The following PVR variants were observed in gnomAD, a reference collection of about 807,000 sequenced individuals.
PVR encodes the protein poliovirus receptor.
PVR carries 39 observed loss-of-function variants against 43.3 expected under a neutral mutation model. The observed-to-expected ratio is 0.90, with a 90% CI of 0.70 to 1.18. PVR has a LOEUF of 1.18. Ranked by LOEUF, PVR falls within the 50% of genes most tolerant of loss-of-function variation. The pLI is 0.00. For synonymous variants in PVR, 224 were observed against 233.2 expected (o/e 0.96, Z 0.36); for missense variants, 480 against 549.7 (o/e 0.87, Z 1.27).
chr19:44,658,269 A>G (rs1973506260), intron 5 of PVR, among the ~76,000 whole-genome samples: 1 of 152,252 alleles, frequency 6.6e-6, no homozygotes, highest in Admixed American at 6.5e-5. Flanking sequence ...ATTCACCTTC[A>G]GGTATGGTTA....
chr19:44,647,552 A>G lies in PVR; in HGVS notation c.409A>G (p.Ile137Val). Residue 137 changes from isoleucine to valine, a missense_variant, in exon 2 of 8, where the codon ATC becomes GTC. Ile to Val is a conservative substitution (Grantham distance 29, BLOSUM62 3). Transcript: ENST00000425690. Reference protein sequence around the residue: ...TFPQGSRSVDIWLRVLAKPQN... With the variant: ...TFPQGSRSVDVWLRVLAKPQN... ...CCCGCAGGGCAGCAGGAGCGTGGAT[A>G]TCTGGCTCCGAGTGCTTGGTGAGCA... 1 of 1,612,356 alleles carries G rather than the reference A, an allele frequency of 6.2e-7. No homozygotes were observed.
chr19:44,644,103 C>A lies in PVR; in HGVS notation c.7C>A (p.Arg3=). 1 of 1,516,716 alleles carries A rather than the reference C, an allele frequency of 6.6e-7. No individual in the cohort carries two copies. Among genetic ancestry groups the A allele is most frequent in the African/African-American group, 1.4e-5 (1 of 70,090 alleles). 94.0% of individuals were successfully genotyped at this position (1,516,716 alleles called of 1,614,324 possible). A position where few individuals can be genotyped will look rare whatever the true frequency, so the allele number is the denominator to read the frequency against. MA[R]AMAAAWPLLL... ...GCTGCTCGGAGCAACTGGCATGGCC[C>A]GAGCCATGGCCGCCGCGTGGCCGCT... Residue 3 remains arginine, a synonymous_variant, in exon 1 of 8, where the codon CGA becomes AGA. Coordinates refer to ENST00000425690, the MANE Select transcript of PVR (RefSeq NM_006505.5).
intron 3 of PVR, among the ~76,000 whole-genome samples, chr19:44,653,108 G>T (rs187599272): frequency 1.3e-5 from 2 of 151,984 alleles, no homozygotes; most frequent in African/African-American, 2.4e-5. Flanking sequence ...TCTTAATTTC[G>T]TCAGCTCCCG....
chr19:44,662,026 T>C lies in PVR; in HGVS notation c.*215T>C. 1.7e-6 allele frequency: 1 copy of C among 580,452 alleles called. No individual in the cohort carries two copies. The highest frequency in any genetic ancestry group is 3.1e-6 in the Non-Finnish European group (1 of 324,368). The allele number at this position is 580,452 out of a possible 1,614,324, so 36.0% of individuals were successfully genotyped here. On this transcript the variant is annotated 3_prime_UTR_variant, in exon 8 of 8. Coordinates refer to ENST00000425690, the MANE Select transcript of PVR (RefSeq NM_006505.5). ...AAGGACTCACTAGACTCAGGAAAGC[T>C]GTTAGGCTCACAGTTACAGTTTATT...
chr19:44,654,194 C>A (rs527879425), intron 4 of PVR, among the ~76,000 whole-genome samples, 177 bp downstream of exon 4: 1 of 141,046 alleles, frequency 7.1e-6, no homozygotes, highest in South Asian at 2.4e-4. Flanking sequence ...GGAAGAGGGG[C>A]TGGGGGTCTG....
At position 44,644,719 on chromosome 19, in the gene PVR, C is replaced by CT. The variant is rs11362724; in HGVS notation, c.79+560dup. ...CTGGCCATTCATTCATTCTTTCATT[C>CT]TTTTTTTTTTTTTTTTGAGACAGTC... On this transcript the variant is annotated intron_variant, in intron 1 of 7. Coordinates refer to ENST00000425690, the MANE Select transcript of PVR (RefSeq NM_006505.5). Among the ~76,000 whole-genome samples the CT allele has an allele frequency of 5.1e-3, 697 of 135,922 alleles. 4 individuals are homozygous for CT. The highest frequency in any genetic ancestry group is 0.015 in the Middle Eastern group (4 of 268). 89.2% of individuals were successfully genotyped at this position (135,922 alleles called of 152,430 possible). A position where few individuals can be genotyped will look rare whatever the true frequency, so the allele number is the denominator to read the frequency against.
At chr19:44,660,849 G>A (rs1599776020) in intron 6 of PVR, among the ~76,000 whole-genome samples, 1 of 152,040 alleles carries the variant, frequency 6.6e-6, no homozygotes, top group Admixed American at 6.6e-5. Flanking sequence ...TATCTGTTTT[G>A]TTCACAGCTG....
rs1178172506 is a variant in PVR at position 44,663,421 on chromosome 19, G to A, written c.*1610G>A. ...ACAGAGAAGTGTGGGGAAGAGATAGGAACCAGCAGGATGGCAGGGGCAAAG... is the reference window on the plus strand; with the variant it reads ...ACAGAGAAGTGTGGGGAAGAGATAGAAACCAGCAGGATGGCAGGGGCAAAG... On this transcript the variant is annotated 3_prime_UTR_variant, in exon 8 of 8. Transcript: ENST00000425690. 1 of 152,384 alleles carries A rather than the reference G, an allele frequency of 6.6e-6. No homozygotes were observed. Among genetic ancestry groups the A allele is most frequent in the Non-Finnish European group, 1.5e-5 (1 of 68,204 alleles). 9.4% of individuals were successfully genotyped at this position (152,384 alleles called of 1,614,324 possible).
chr19:44,645,566 C>T (rs1973094653), intron 1 of PVR, among the ~76,000 whole-genome samples: 1 of 150,028 alleles, frequency 6.7e-6, no homozygotes. Context: ...CAGGCTCAAG[C>T]GATCCTCTCA....
Position 44,643,998 on chromosome 19 carries a change from A to G in PVR, c.-99A>G. 1.0e-6 allele frequency: 1 copy of G among 986,330 alleles called. No homozygotes were observed. The highest frequency in any genetic ancestry group is 3.0e-5 in the Admixed American group (1 of 33,338). 61.1% of individuals were successfully genotyped at this position (986,330 alleles called of 1,614,324 possible). ...GGCCCCCCGGGGATTCCAGGACCTGAGCTCCGGGAGCTGGACTCGCAGCGA... is the reference window on the plus strand; with the variant it reads ...GGCCCCCCGGGGATTCCAGGACCTGGGCTCCGGGAGCTGGACTCGCAGCGA... On this transcript the variant is annotated 5_prime_UTR_variant, in exon 1 of 8. Coordinates refer to ENST00000425690, the MANE Select transcript of PVR (RefSeq NM_006505.5).
chr19:44,644,293 C>G (rs1973013276), intron 1 of PVR, 118 bp downstream of exon 1: 1 of 698,226 alleles, frequency 1.4e-6, no homozygotes, highest in Non-Finnish European at 2.2e-6. Flanking sequence ...CCACCCACCC[C>G]CCATCTCTGC....
intron 1 of PVR, among the ~76,000 whole-genome samples, chr19:44,645,134 T>TAA (rs1568496496): frequency 0.014 from 995 of 70,032 alleles, 84 homozygotes; most frequent in Non-Finnish European, 0.018. Context: ...TTATAATATA[T>TAA]TATATATATT....
intron 5 of PVR, 146 bp downstream of exon 5, chr19:44,658,056 C>T (rs1973500250): frequency 1.3e-6 from 1 of 795,030 alleles, no homozygotes; most frequent in Admixed American, 2.9e-5. Flanking sequence ...CCTGTTAACT[C>T]CATACCTATA....
chr19:44,650,136 A>C (rs776432542), intron 3 of PVR, 31 bp downstream of exon 3: 1 of 1,472,542 alleles, frequency 6.8e-7, no homozygotes. Flanking sequence ...GATGGCAAGA[A>C]CCCCTGCCGG....
intron 1 of PVR, among the ~76,000 whole-genome samples, chr19:44,646,778 A>C (rs1164750608): frequency 6.6e-6 from 1 of 152,170 alleles, no homozygotes; most frequent in Non-Finnish European, 1.5e-5. Context: ...CTCAAAAAAA[A>C]AAGAGAAGAA....
At chr19:44,654,455 G>C (rs571491132) in intron 4 of PVR, among the ~76,000 whole-genome samples, 1 of 152,230 alleles carries the variant, frequency 6.6e-6, no homozygotes, top group African/African-American at 2.4e-5. Flanking sequence ...TCTGTTTTGC[G>C]GTTGAGGCGT....
chr19:44,648,664 GTTTTGTTTTGTTTTCTTTTC>G (rs1479842637), intron 2 of PVR, among the ~76,000 whole-genome samples: 1 of 151,868 alleles, frequency 6.6e-6, no homozygotes, highest in African/African-American at 2.4e-5. Context: ...GTTTTGTTTT[GTTTTGTTTTGTTTTCTTTTC>G]TTTTTAAGCT....
rs566986246 is a variant in PVR at position 44,661,146 on chromosome 19, C to A, written c.1151-146C>A. The A allele has an allele frequency of 1.2e-4, 83 of 711,586 alleles. No homozygotes were observed. The Admixed American group carries it at 1.3e-3, about 11-fold the overall frequency. 44.1% of individuals were successfully genotyped at this position (711,586 alleles called of 1,614,324 possible). ...ACACCCTCCATCCCTGTCTGACACA[C>A]GTGTATACCATTAAGGGAAATGGCA... On this transcript the variant is annotated intron_variant, in intron 6 of 7. Coordinates refer to ENST00000425690, the MANE Select transcript of PVR (RefSeq NM_006505.5).
intron 4 of PVR, among the ~76,000 whole-genome samples, chr19:44,655,670 C>T (rs954829308): frequency 2.6e-5 from 4 of 152,126 alleles, no homozygotes; most frequent in Non-Finnish European, 5.9e-5. Context: ...TTTTCCCCCA[C>T]GTTGTATTAG....
Sources: gnomAD v4.1 joint callset for allele counts (sites outside exome capture counted in the v4.1 genomes callset) on GRCh38, gnomAD v4.1.1 for gene constraint, MANE v1.5 for transcripts, NCBI Gene and HGNC (gene_info 2026-07-23, HGNC 2026-07-21) for gene names.